The following ADAMTSL1 variants were observed in gnomAD, a reference collection of about 807,000 sequenced individuals.
ADAMTSL1 encodes the protein ADAMTS like 1.
ADAMTSL1 carries 126 observed loss-of-function variants against 201.8 expected under a neutral mutation model. The observed-to-expected ratio is 0.62, with a 90% confidence interval of 0.54 to 0.72. The LOEUF is 0.72. ADAMTSL1 is among the 30% of genes least tolerant of loss of function. The pLI, the probability that ADAMTSL1 is intolerant of heterozygous loss-of-function variation, is 0.00. For missense variants in ADAMTSL1, 2,679 were observed against 2,277.8 expected (o/e 1.18, Z -3.59); for synonymous variants, 1,121 against 903.4 (o/e 1.24, Z -4.32).
At chr9:18,438,710 C>T (rs949275799) in intron 2 of ADAMTSL1, among the ~76,000 whole-genome samples, 2 of 152,184 alleles carry the variant, frequency 1.3e-5, no homozygotes, top group African/African-American at 2.4e-5. Flanking sequence ...GGGTGCCCGG[C>T]GCCAACTCCT....
chr9:17,949,668 G>C (rs928913269), intron 1 of ADAMTSL1, among the ~76,000 whole-genome samples: 2 of 152,132 alleles, frequency 1.3e-5, no homozygotes, highest in African/African-American at 2.4e-5. Flanking sequence ...CATGGTAGTA[G>C]AAACCTGAGG....
intron 3 of ADAMTSL1, among the ~76,000 whole-genome samples, chr9:18,540,636 T>C (rs1045165956): frequency 6.6e-6 from 1 of 152,130 alleles, no homozygotes; most frequent in Admixed American, 6.5e-5. Flanking sequence ...TAAGGGACAT[T>C]CTTAGCCCCT....
intron 2 of ADAMTSL1, among the ~76,000 whole-genome samples, chr9:18,321,623 C>T (rs1207960052): frequency 6.6e-6 from 1 of 152,118 alleles, no homozygotes; most frequent in Non-Finnish European, 1.5e-5. Flanking sequence ...GAAACCACAT[C>T]TCTACCAGAA....
chr9:18,774,327 A>T (rs569450312), intron 17 of ADAMTSL1, among the ~76,000 whole-genome samples: 2 of 152,212 alleles, frequency 1.3e-5, no homozygotes, highest in South Asian at 4.2e-4. Context: ...AGGTCTCCAA[A>T]CTAACCCTCA....
At chr9:18,035,511 G>A (rs1050460669) in intron 1 of ADAMTSL1, among the ~76,000 whole-genome samples, 3 of 152,158 alleles carry the variant, frequency 2.0e-5, no homozygotes, top group Admixed American at 6.6e-5. Flanking sequence ...TTTCTCTTCA[G>A]ATACTTATAC....
intron 2 of ADAMTSL1, among the ~76,000 whole-genome samples, chr9:18,410,309 A>G (rs1190449846): frequency 6.6e-6 from 1 of 151,778 alleles, no homozygotes; most frequent in African/African-American, 2.4e-5. Context: ...TCATCCTATC[A>G]CCTAGTTATT....
chr9:18,721,628 C>G lies in ADAMTSL1; in HGVS notation c.1969C>G (p.Leu657Val). The G allele has an allele frequency of 6.2e-7, 1 of 1,613,988 alleles. No individual in the cohort carries two copies. The highest frequency in any genetic ancestry group is 1.3e-5 in the African/African-American group (1 of 75,046). Reference sequence around the variant, plus strand: ...CGTGACCAGCCGCCGGCCCCCACAGCTCCTGAAGTCCTGCAATTTGGATCC... The same window carrying G: ...CGTGACCAGCCGCCGGCCCCCACAGGTCCTGAAGTCCTGCAATTTGGATCC... ...LCVTSRRPPQ[L>V]LKSCNLDPCP... is the part of the protein sequence containing the mutation. The change falls in exon 15 of 29, where the codon CTC (leucine) becomes GTC (valine). Residue 657 changes from leucine (L) to valine (V), a missense_variant. By Grantham distance (32) the Leu-to-Val change is conservative (BLOSUM62 1). Transcript: ENST00000380548.
intron 15 of ADAMTSL1, among the ~76,000 whole-genome samples, chr9:18,744,459 G>C (rs1413258814): frequency 6.6e-6 from 1 of 152,164 alleles, no homozygotes; most frequent in East Asian, 1.9e-4. Flanking sequence ...CTGACTTTAG[G>C]AAGCTGCCTC....
rs543492005 is a variant in ADAMTSL1, at chr9:18,647,650, T to C, written c.834+8239T>C. On this transcript the variant is annotated intron_variant, in intron 7 of 28. Coordinates refer to ENST00000380548, the MANE Select transcript of ADAMTSL1 (RefSeq NM_001040272.6). ...TGCCTTCATTTCGTTATGTACCCAG[T>C]AGTCATTCAGGAGCAGGTTGTTCAG... Among the ~76,000 whole-genome samples, 473 of 151,580 alleles carry C rather than the reference T, an allele frequency of 3.1e-3. 5 individuals carry two copies. Among genetic ancestry groups the C allele is most frequent in the Middle Eastern group, 0.024 (7 of 292 alleles).
At chr9:18,126,504 T>C (rs1457464762) in intron 1 of ADAMTSL1, among the ~76,000 whole-genome samples, 1 of 152,244 alleles carries the variant, frequency 6.6e-6, no homozygotes, top group African/African-American at 2.4e-5. Flanking sequence ...TTTACTTGTC[T>C]ACCTCCTTAC....
intron 2 of ADAMTSL1, among the ~76,000 whole-genome samples, chr9:18,245,490 G>A (rs1264975493): frequency 6.6e-6 from 1 of 152,052 alleles, no homozygotes; most frequent in African/African-American, 2.4e-5. Context: ...TATCACCCAA[G>A]CAAAGGCACT....
At position 18,503,421 on chromosome 9, in the gene ADAMTSL1, GTATATA is replaced by G. The variant is rs10673652; in HGVS notation, c.64-1393_64-1388del. ...TTAAGGCTGAATAGTATTCCATTGTGTATATATATATATATATATACCACATTTTGT... is the reference window on the plus strand; with the variant it reads ...TTAAGGCTGAATAGTATTCCATTGTGTATATATATATATACCACATTTTGT... On this transcript the variant is annotated intron_variant, in intron 1 of 28. Transcript: ENST00000380548. Among the ~76,000 whole-genome samples the G allele has an allele frequency of 1.6e-4, 18 of 115,288 alleles. No homozygotes were observed. In the South Asian group the frequency reaches 3.7e-3, roughly 24 times the overall value. The allele number at this position is 115,288 out of a possible 152,430, so 75.6% of individuals were successfully genotyped here. A position where few individuals can be genotyped will look rare whatever the true frequency, so the allele number is the denominator to read the frequency against.
intron 1 of ADAMTSL1, among the ~76,000 whole-genome samples, chr9:18,003,776 G>A (rs563900047): frequency 2.0e-5 from 3 of 152,170 alleles, no homozygotes; most frequent in African/African-American, 4.8e-5. Flanking sequence ...ATTAGGAAAC[G>A]AATGAGCCTT....
At chr9:17,967,248 G>A (rs1252993757) in intron 1 of ADAMTSL1, among the ~76,000 whole-genome samples, 2 of 151,972 alleles carry the variant, frequency 1.3e-5, no homozygotes, top group East Asian at 1.9e-4. Flanking sequence ...CCATTTTAAG[G>A]CTCCTGCTAC....
At chr9:18,725,348 C>T (rs960870500) in intron 15 of ADAMTSL1, among the ~76,000 whole-genome samples, 7 of 152,132 alleles carry the variant, frequency 4.6e-5, no homozygotes, top group African/African-American at 7.2e-5. Context: ...ATTTGATTGT[C>T]GGGAAAGATG....
At chr9:18,053,994 T>C (rs1378687273) in intron 1 of ADAMTSL1, among the ~76,000 whole-genome samples, 1 of 151,858 alleles carries the variant, frequency 6.6e-6, no homozygotes, top group Non-Finnish European at 1.5e-5. Flanking sequence ...CTGCTTCTCT[T>C]TTTTTTTTCA....
At chr9:18,662,193 C>A in intron 9 of ADAMTSL1, 120 bp downstream of exon 9, 2 of 1,308,620 alleles carry the variant, frequency 1.5e-6, no homozygotes, top group Non-Finnish European at 2.1e-6. Context: ...AATAGTGTTG[C>A]TGTCCAGTGT....
chr9:18,513,477 C>T (rs567112418), intron 2 of ADAMTSL1, among the ~76,000 whole-genome samples: 2 of 152,212 alleles, frequency 1.3e-5, no homozygotes, highest in Admixed American at 6.5e-5. Context: ...TTTCCCTTGC[C>T]GTGCAGACTG....
intron 1 of ADAMTSL1, among the ~76,000 whole-genome samples, chr9:17,936,504 C>T (rs574949111): frequency 2.2e-4 from 33 of 152,248 alleles, no homozygotes; most frequent in South Asian, 2.1e-4. Context: ...GTTTCCCTTC[C>T]GTAAAGGCAG....
Sources: allele counts gnomAD v4.1 joint callset (sites outside exome capture counted in the v4.1 genomes callset), GRCh38; gene constraint gnomAD v4.1.1; transcripts MANE v1.5; gene names NCBI Gene and HGNC (gene_info 2026-07-23, HGNC 2026-07-21).